The following KCNH7 variants were observed in gnomAD, a reference collection of about 807,000 sequenced individuals.
KCNH7 encodes potassium voltage-gated channel subfamily H member 7.
Under a neutral mutation model 120.8 loss-of-function variants are expected in KCNH7, and 49 were observed. The ratio of observed to expected loss-of-function variants is 0.41; its 90% CI spans 0.32 to 0.51. The LOEUF (loss-of-function observed/expected upper bound fraction) is 0.51, where lower values mean the gene tolerates loss of function less well. Ranked by LOEUF, KCNH7 falls within the 20% of genes least tolerant of loss-of-function variation. The pLI is 0.38. For synonymous variants in KCNH7, 547 were observed against 516.1 expected, an observed-to-expected ratio of 1.06 and a Z score of -0.81; for missense variants, 1,097 against 1,446.6, an observed-to-expected ratio of 0.76 and a Z score of 3.92.
chr2:162,774,865 G>A (rs1330650333), intron 2 of KCNH7, among the ~76,000 whole-genome samples: 2 of 152,028 alleles, frequency 1.3e-5, no homozygotes, highest in Admixed American at 1.3e-4. Context: ...ATCACTTCAA[G>A]GGCAATTAAT....
intron 2 of KCNH7, among the ~76,000 whole-genome samples, chr2:162,755,724 T>A (rs892161526): frequency 6.6e-6 from 1 of 152,182 alleles, no homozygotes. Context: ...AGACAGATAC[T>A]ATTATTTAAT....
chr2:162,702,022 A>T (rs1686523447), intron 2 of KCNH7, among the ~76,000 whole-genome samples: 1 of 152,038 alleles, frequency 6.6e-6, no homozygotes. Context: ...AAAAAAAGAA[A>T]AAAAACTTTC....
intron 14 of KCNH7, among the ~76,000 whole-genome samples, chr2:162,375,642 C>T (rs981814486): frequency 1.3e-5 from 2 of 152,034 alleles, no homozygotes; most frequent in Non-Finnish European, 2.9e-5. Flanking sequence ...AGAATGGACT[C>T]TTGGGCCAGT....
At chr2:162,591,493 AAC>A (rs1350819086) in intron 2 of KCNH7, among the ~76,000 whole-genome samples, 1 of 152,068 alleles carries the variant, frequency 6.6e-6, no homozygotes, top group African/African-American at 2.4e-5. Context: ...GGAGGACACA[AAC>A]ACACACTCAC....
chr2:162,760,691 T>C (rs543258390), intron 2 of KCNH7, among the ~76,000 whole-genome samples: 1 of 152,226 alleles, frequency 6.6e-6, no homozygotes, highest in South Asian at 2.1e-4. Context: ...TTAACCTAAT[T>C]ACACCAGAAA....
intron 2 of KCNH7, among the ~76,000 whole-genome samples, chr2:162,806,032 T>C (rs1195262378): frequency 6.6e-6 from 1 of 152,088 alleles, no homozygotes; most frequent in Non-Finnish European, 1.5e-5. Flanking sequence ...AGTTAAGTTA[T>C]GAGTACACAA....
intron 3 of KCNH7, among the ~76,000 whole-genome samples, chr2:162,522,344 A>C (rs947761555): frequency 1.3e-5 from 2 of 151,918 alleles, no homozygotes; most frequent in African/African-American, 4.8e-5. Flanking sequence ...GCTTTCTTAA[A>C]TTAATTACCA....
chr2:162,428,492 G>C (rs191222173), intron 8 of KCNH7, among the ~76,000 whole-genome samples: 1 of 151,978 alleles, frequency 6.6e-6, no homozygotes, highest in East Asian at 1.9e-4. Context: ...ATACATGCTA[G>C]AAAAGAGCGT....
chr2:162,769,734 T>C, intron 2 of KCNH7, among the ~76,000 whole-genome samples: 1 of 152,082 alleles, frequency 6.6e-6, no homozygotes, highest in South Asian at 2.1e-4. Flanking sequence ...TATGCATATG[T>C]ATATATATAA....
At chr2:162,456,528 G>T (rs1469935410) in intron 6 of KCNH7, among the ~76,000 whole-genome samples, 1 of 151,984 alleles carries the variant, frequency 6.6e-6, no homozygotes, top group Non-Finnish European at 1.5e-5. Context: ...ACGTCCACTT[G>T]ATCCACAGCT....
intron 2 of KCNH7, among the ~76,000 whole-genome samples, chr2:162,699,182 C>G (rs1559087822): frequency 2.6e-5 from 4 of 151,984 alleles, no homozygotes; most frequent in African/African-American, 9.7e-5. Flanking sequence ...ACTTATTCCT[C>G]TTATGTAACT....
intron 2 of KCNH7, among the ~76,000 whole-genome samples, chr2:162,804,172 C>T (rs541957118): frequency 6.6e-6 from 1 of 151,760 alleles, no homozygotes; most frequent in East Asian, 1.9e-4. Flanking sequence ...TCCCTAAGAA[C>T]AGAAACAAGA....
intron 8 of KCNH7, among the ~76,000 whole-genome samples, chr2:162,426,343 T>A (rs1011365320): frequency 2.0e-5 from 3 of 152,042 alleles, no homozygotes; most frequent in Non-Finnish European, 4.4e-5. Context: ...GAGCTAGAGG[T>A]TGTAAGCTAG....
At chr2:162,417,635 G>A (rs1687578842) in intron 9 of KCNH7, among the ~76,000 whole-genome samples, 1 of 152,024 alleles carries the variant, frequency 6.6e-6, no homozygotes, top group African/African-American at 2.4e-5. Flanking sequence ...AAAGCTCTAG[G>A]GCATACTGTC....
intron 2 of KCNH7, among the ~76,000 whole-genome samples, chr2:162,657,580 A>G (rs6432733): frequency 0.094 from 14,239 of 152,080 alleles, 2,101 homozygotes; most frequent in African/African-American, 0.32. Context: ...TTATCTGTTT[A>G]CCTACATAAA....
At chr2:162,417,758 T>G (rs910950881) in intron 9 of KCNH7, among the ~76,000 whole-genome samples, 1 of 152,152 alleles carries the variant, frequency 6.6e-6, no homozygotes, top group African/African-American at 2.4e-5. Flanking sequence ...TGATGATGGT[T>G]GGAGACCAGG....
intron 6 of KCNH7, among the ~76,000 whole-genome samples, chr2:162,479,907 T>C (rs1689872470): frequency 6.6e-6 from 1 of 152,198 alleles, no homozygotes; most frequent in Non-Finnish European, 1.5e-5. Context: ...AAATAAGAGA[T>C]GGAATTTATT....
chr2:162,406,364 A>T (rs1162652203), intron 9 of KCNH7, among the ~76,000 whole-genome samples: 1 of 151,944 alleles, frequency 6.6e-6, no homozygotes, highest in Non-Finnish European at 1.5e-5. Context: ...ATGGTTTTTG[A>T]TTTATTTCAC....
chr2:162,780,381 G>A (rs138321160), intron 2 of KCNH7, among the ~76,000 whole-genome samples: 2 of 152,202 alleles, frequency 1.3e-5, no homozygotes, highest in South Asian at 2.1e-4. Flanking sequence ...ATTCTCTACT[G>A]AAGCATTTGT....
Sources: allele counts gnomAD v4.1 joint callset (sites outside exome capture counted in the v4.1 genomes callset), GRCh38; gene constraint gnomAD v4.1.1; transcripts MANE v1.5; gene names NCBI Gene and HGNC (gene_info 2026-07-23, HGNC 2026-07-21).